The following LRFN2 variants were observed in gnomAD, a reference collection of about 807,000 sequenced individuals.
LRFN2 encodes leucine rich repeat and fibronectin type III domain containing 2.
A neutral mutation model predicts 37.3 loss-of-function variants in LRFN2; 18 were observed. That is an observed-to-expected ratio of 0.48 (90% CI 0.33 to 0.72). The LOEUF (loss-of-function observed/expected upper bound fraction) is 0.72, where lower values mean the gene tolerates loss of function less well. Ranked by LOEUF, LRFN2 falls within the 30% of genes least tolerant of loss-of-function variation. LRFN2 has a pLI of 0.02. For synonymous variants in LRFN2, 556 were observed against 466.6 expected (o/e 1.19, Z -2.47); for missense variants, 1,006 against 1,060.7 (o/e 0.95, Z 0.72).
rs570450202 is a variant in LRFN2, at chr6:40,503,849, C to G, written c.-18-70718G>C. On this transcript the variant is annotated intron_variant, in intron 1 of 2. Coordinates refer to ENST00000338305, the MANE Select transcript of LRFN2 (RefSeq NM_020737.3). ...GATAAGAAGAGGACTTTACTATGCTCGTTGGATGTAAAGACACAGAGGCTA... is the reference window on the plus strand; with the variant it reads ...GATAAGAAGAGGACTTTACTATGCTGGTTGGATGTAAAGACACAGAGGCTA... 7.2e-5 allele frequency among the ~76,000 whole-genome samples: 11 copies of G among 151,778 alleles called. No individual in the cohort carries two copies. The South Asian group carries it at 2.3e-3, about 32-fold the overall frequency.
At chr6:40,509,273 C>T (rs747466090) in intron 1 of LRFN2, among the ~76,000 whole-genome samples, 3 of 152,252 alleles carry the variant, frequency 2.0e-5, no homozygotes, top group Non-Finnish European at 2.9e-5. Context: ...CCCATATCCC[C>T]CAAGGTGGGA....
chr6:40,465,242 G>T (rs1764432222), intron 1 of LRFN2, among the ~76,000 whole-genome samples: 1 of 152,204 alleles, frequency 6.6e-6, no homozygotes, highest in South Asian at 2.1e-4. Flanking sequence ...TGAAAGGAAT[G>T]TAGCTCTGCC....
At chr6:40,484,846 T>C (rs773237713) in intron 1 of LRFN2, among the ~76,000 whole-genome samples, 5 of 152,222 alleles carry the variant, frequency 3.3e-5, no homozygotes, top group Non-Finnish European at 7.4e-5. Context: ...CAGGTGAGAG[T>C]TGCCCAGGTG....
At chr6:40,470,659 G>C (rs947783475) in intron 1 of LRFN2, among the ~76,000 whole-genome samples, 10 of 151,390 alleles carry the variant, frequency 6.6e-5, no homozygotes, top group Non-Finnish European at 1.3e-4. Flanking sequence ...GGAATTCCCC[G>C]ATGGAAAGAG....
intron 1 of LRFN2, among the ~76,000 whole-genome samples, chr6:40,487,839 C>A (rs768140811): frequency 6.6e-5 from 10 of 152,220 alleles, no homozygotes; most frequent in South Asian, 2.1e-4. Context: ...GCCTTTCATC[C>A]AAATCCTACT....
intron 1 of LRFN2, among the ~76,000 whole-genome samples, chr6:40,449,310 T>C (rs1314312968): frequency 6.6e-6 from 1 of 152,146 alleles, no homozygotes; most frequent in Non-Finnish European, 1.5e-5. Flanking sequence ...CAACAAAATA[T>C]ACAAATTTTA....
chr6:40,444,342 C>T (rs1763916193), intron 1 of LRFN2, among the ~76,000 whole-genome samples: 2 of 152,148 alleles, frequency 1.3e-5, no homozygotes, highest in Admixed American at 1.3e-4. Flanking sequence ...AAACAACAAA[C>T]CCACAGTCTC....
At chr6:40,575,683 C>T (rs2113796953) in intron 1 of LRFN2, among the ~76,000 whole-genome samples, 1 of 152,264 alleles carries the variant, frequency 6.6e-6, no homozygotes, top group East Asian at 1.9e-4. Context: ...TCTTGTAGTA[C>T]CATGAAGCCA....
At chr6:40,584,718 C>T (rs1413230155) in intron 1 of LRFN2, among the ~76,000 whole-genome samples, 4 of 152,144 alleles carry the variant, frequency 2.6e-5, no homozygotes, top group Non-Finnish European at 5.9e-5. Flanking sequence ...GCTTATAAGC[C>T]TCTATACATC....
At chr6:40,575,411 G>A (rs1365574636) in intron 1 of LRFN2, among the ~76,000 whole-genome samples, 1 of 151,954 alleles carries the variant, frequency 6.6e-6, no homozygotes, top group African/African-American at 2.4e-5. Context: ...CTCCTTCCAT[G>A]GACACAGGAA....
intron 1 of LRFN2, among the ~76,000 whole-genome samples, chr6:40,490,374 G>T (rs1176306032): frequency 6.6e-6 from 1 of 152,196 alleles, no homozygotes; most frequent in African/African-American, 2.4e-5. Context: ...CAGCGAGGCT[G>T]CAGCTGCCTG....
At chr6:40,448,509 T>A (rs886407049) in intron 1 of LRFN2, among the ~76,000 whole-genome samples, 3 of 152,208 alleles carry the variant, frequency 2.0e-5, no homozygotes, top group African/African-American at 7.2e-5. Flanking sequence ...AATCTTTGCA[T>A]CCTCCGTCAG....
At chr6:40,425,643 G>A (rs531780011) in intron 2 of LRFN2, among the ~76,000 whole-genome samples, 1 of 152,144 alleles carries the variant, frequency 6.6e-6, no homozygotes, top group Non-Finnish European at 1.5e-5. Context: ...CTGGGCCCTG[G>A]CATTGAGGGA....
chr6:40,438,960 A>G (rs1027617171), intron 1 of LRFN2, among the ~76,000 whole-genome samples: 3 of 152,202 alleles, frequency 2.0e-5, no homozygotes, highest in African/African-American at 7.2e-5. Context: ...AAAGATGAGG[A>G]CAGAGAGTGG....
intron 1 of LRFN2, among the ~76,000 whole-genome samples, chr6:40,576,476 C>A (rs1252159567): frequency 6.6e-6 from 1 of 152,236 alleles, no homozygotes; most frequent in Non-Finnish European, 1.5e-5. Context: ...AGCGCAGCAG[C>A]ATGGCAGGGC....
At chr6:40,567,276 A>G (rs911969817) in intron 1 of LRFN2, among the ~76,000 whole-genome samples, 4 of 152,172 alleles carry the variant, frequency 2.6e-5, no homozygotes, top group Non-Finnish European at 5.9e-5. Flanking sequence ...GGAAAGAAAA[A>G]GGCACTTTTT....
At chr6:40,570,854 A>T (rs1006978222) in intron 1 of LRFN2, among the ~76,000 whole-genome samples, 15 of 152,256 alleles carry the variant, frequency 9.9e-5, no homozygotes, top group Non-Finnish European at 1.8e-4. Flanking sequence ...AGGGTGCTAG[A>T]CATGGGGAGA....
intron 1 of LRFN2, among the ~76,000 whole-genome samples, chr6:40,567,935 C>G (rs1767118335): frequency 6.6e-6 from 1 of 152,144 alleles, no homozygotes. Flanking sequence ...TCTTCAATGC[C>G]CCTAAACAGC....
intron 1 of LRFN2, among the ~76,000 whole-genome samples, chr6:40,518,140 A>G (rs903195439): frequency 6.6e-6 from 1 of 152,162 alleles, no homozygotes. Context: ...CAGTTTCTTC[A>G]CTGTCAAATA....
Sources: gnomAD v4.1 joint callset for allele counts (sites outside exome capture counted in the v4.1 genomes callset) on GRCh38, gnomAD v4.1.1 for gene constraint, MANE v1.5 for transcripts, NCBI Gene and HGNC (gene_info 2026-07-23, HGNC 2026-07-21) for gene names.